The following DYNC1LI2 variants were observed in gnomAD, a reference collection of about 807,000 sequenced individuals.
The protein encoded by DYNC1LI2 is dynein cytoplasmic 1 light intermediate chain 2.
Under a neutral mutation model 57.8 loss-of-function variants are expected in DYNC1LI2, and 19 were observed. That is an observed-to-expected ratio of 0.33 (90% CI 0.23 to 0.48). The LOEUF is 0.48. Ranked by LOEUF, DYNC1LI2 falls within the 20% of genes least tolerant of loss-of-function variation. The probability of loss-of-function intolerance (pLI) is 0.99; values close to 1 mark genes in which losing one functional copy is unlikely to be tolerated. For missense variants in DYNC1LI2, 470 were observed against 604.2 expected (o/e 0.78, Z 2.33); for synonymous variants, 256 against 233.4 (o/e 1.10, Z -0.88).
intron 3 of DYNC1LI2, among the ~76,000 whole-genome samples, chr16:66,746,545 G>T (rs1444595631): frequency 1.3e-5 from 2 of 152,042 alleles, no homozygotes; most frequent in Non-Finnish European, 2.9e-5. Flanking sequence ...AAGTTTTTAA[G>T]GTAACTTTAA....
At chr16:66,724,292 T>G (rs1009860750) in intron 12 of DYNC1LI2, among the ~76,000 whole-genome samples, 8 of 152,130 alleles carry the variant, frequency 5.3e-5, no homozygotes, top group Non-Finnish European at 1.0e-4. Context: ...AATAAGATAG[T>G]TCAGTCCTGC....
chr16:66,740,381 G>A (rs1567454836), intron 4 of DYNC1LI2, among the ~76,000 whole-genome samples: 1 of 152,176 alleles, frequency 6.6e-6, no homozygotes. Flanking sequence ...CTCTGGGCAA[G>A]AGGATAGCCA....
At chr16:66,732,068 T>G in intron 7 of DYNC1LI2, 1 of 395,482 alleles carries the variant, frequency 2.5e-6, no homozygotes, top group African/African-American at 2.0e-5. Context: ...CCCCAGCCAG[T>G]ATTTTACCAG....
intron 4 of DYNC1LI2, among the ~76,000 whole-genome samples, chr16:66,740,309 T>C (rs1156744420): frequency 6.6e-6 from 1 of 152,168 alleles, no homozygotes; most frequent in Non-Finnish European, 1.5e-5. Flanking sequence ...CCAGGTTGAA[T>C]AACAGCCCTT....
At chr16:66,730,874 G>A (rs939624554) in intron 7 of DYNC1LI2, 1 of 152,218 alleles carries the variant, frequency 6.6e-6, no homozygotes, top group Non-Finnish European at 1.5e-5. Flanking sequence ...ACAGCCTAGG[G>A]TTCCCACCTG....
Position 66,751,570 on chromosome 16 carries a change from T to C in DYNC1LI2, c.22A>G (p.Lys8Glu). The change falls in exon 1 of 13, where the codon AAG becomes GAG. Residue 8 changes from lysine (K) to glutamate (E), a missense_variant. By Grantham distance (56) the Lys-to-Glu change is moderately conservative (BLOSUM62 1). Coordinates refer to ENST00000258198, the MANE Select transcript of DYNC1LI2 (RefSeq NM_006141.3). This position sits in a 1 kb window ranked among gnomAD's most constrained non-coding sequence, Gnocchi z 5.2. The part of the protein sequence containing the change: MAPVGVE[K>E]KLLLGPNGPA... ...CCGTTGGGACCTAGCAGCAGCTTCT[T>C]CTCCACCCCCACCGGCGCCATCTTG... 1.9e-6 allele frequency: 3 copies of C among 1,579,708 alleles called. No individual in the cohort carries two copies. Among genetic ancestry groups the C allele is most frequent in the Non-Finnish European group, 2.6e-6 (3 of 1,165,802 alleles).
intron 4 of DYNC1LI2, among the ~76,000 whole-genome samples, chr16:66,737,319 C>A (rs1267434938): frequency 1.3e-5 from 2 of 151,600 alleles, no homozygotes; most frequent in Non-Finnish European, 2.9e-5. Context: ...CAAAAAACAA[C>A]AAGCTTCCAC....
At position 66,751,388 on chromosome 16, in the gene DYNC1LI2, T is replaced by G; in HGVS notation, c.108-42A>C. The G allele has an allele frequency of 1.9e-6, 3 of 1,599,868 alleles. No individual in the cohort carries two copies. Among genetic ancestry groups the G allele is most frequent in the Non-Finnish European group, 2.6e-6 (3 of 1,174,372 alleles). On this transcript the variant is annotated intron_variant, in intron 1 of 12. Coordinates refer to ENST00000258198, the MANE Select transcript of DYNC1LI2 (RefSeq NM_006141.3). The surrounding 1 kb of genome is among the most constrained non-coding windows in gnomAD (Gnocchi z 5.2). Reference sequence around the variant, plus strand: ...AAGAGTGGTCAGCCCCGGGCCGGGCTGGGATGGCCCGGCTCGCGTCGGCCC... The same window carrying G: ...AAGAGTGGTCAGCCCCGGGCCGGGCGGGGATGGCCCGGCTCGCGTCGGCCC...
intron 3 of DYNC1LI2, among the ~76,000 whole-genome samples, chr16:66,743,019 G>A (rs184227289): frequency 8.6e-5 from 13 of 152,028 alleles, no homozygotes; most frequent in East Asian, 1.9e-4. Flanking sequence ...CAAATTAGCC[G>A]GGCATCGTGA....
chr16:66,728,976 C>T (rs2017585181), intron 9 of DYNC1LI2, 64 bp downstream of exon 9: 1 of 1,579,248 alleles, frequency 6.3e-7, no homozygotes, highest in African/African-American at 1.3e-5. Flanking sequence ...CCCCCAACCC[C>T]ACCCTAGGGA....
intron 3 of DYNC1LI2, among the ~76,000 whole-genome samples, chr16:66,744,459 G>A (rs1467979780): frequency 1.3e-5 from 2 of 152,222 alleles, no homozygotes; most frequent in African/African-American, 4.8e-5. Flanking sequence ...TCACACAAAT[G>A]TGCAAGTGCT....
At chr16:66,744,134 G>A (rs1333339133) in intron 3 of DYNC1LI2, among the ~76,000 whole-genome samples, 1 of 151,210 alleles carries the variant, frequency 6.6e-6, no homozygotes, top group African/African-American at 2.4e-5. Flanking sequence ...GGCAACTGCA[G>A]TCTCGATTTC....
chr16:66,735,992 AAACGTC>A, intron 5 of DYNC1LI2, 77 bp downstream of exon 5: 1 of 1,524,788 alleles, frequency 6.6e-7, no homozygotes, highest in Non-Finnish European at 8.8e-7. Flanking sequence ...CTTGGGAAAA[AAACGTC>A]AACAGTTTCT....
chr16:66,738,631 CT>C (rs1252727141), intron 4 of DYNC1LI2, among the ~76,000 whole-genome samples: 1 of 151,954 alleles, frequency 6.6e-6, no homozygotes, highest in Non-Finnish European at 1.5e-5. Context: ...AATCCCAGAA[CT>C]GTGGCAGGCC....
In DYNC1LI2 at chr16:66,736,057, CA is replaced by C; in HGVS notation, c.699+17del. ...CACCACCCGAACCCAGCCAAGCCAA[CA>C]ACCCCCTGGCACACACCTTTGTGCA... On this transcript the variant is annotated intron_variant, in intron 5 of 12. Transcript: ENST00000258198. 3.1e-6 allele frequency: 5 copies of C among 1,603,610 alleles called. No individual in the cohort carries two copies. The highest frequency in any genetic ancestry group is 4.3e-6 in the Non-Finnish European group (5 of 1,171,598).
At chr16:66,734,449 A>G (rs1864245972) in intron 5 of DYNC1LI2, 138 bp from the exon 6 acceptor site, 1 of 791,708 alleles carries the variant, frequency 1.3e-6, no homozygotes, top group African/African-American at 1.8e-5. Flanking sequence ...ATTAGAGAAG[A>G]GTAAAAAAGA....
chr16:66,744,149 G>A (rs2017894602), intron 3 of DYNC1LI2, among the ~76,000 whole-genome samples: 1 of 152,050 alleles, frequency 6.6e-6, no homozygotes, highest in African/African-American at 2.4e-5. Context: ...GATTTCCTGG[G>A]ATAGTGATCC....
chr16:66,747,264 A>G (rs1371005591), intron 3 of DYNC1LI2, among the ~76,000 whole-genome samples: 4 of 151,868 alleles, frequency 2.6e-5, no homozygotes, highest in African/African-American at 9.7e-5. Flanking sequence ...TTTTTACTAG[A>G]GACAGAGTTT....
Position 66,749,179 on chromosome 16 carries a change from G to C in DYNC1LI2, c.298+18C>G. The C allele has an allele frequency of 6.2e-7, 1 of 1,612,662 alleles. No individual in the cohort carries two copies. The highest frequency in any genetic ancestry group is 8.5e-7 in the Non-Finnish European group (1 of 1,178,744). On this transcript the variant is annotated intron_variant, in intron 3 of 12. Transcript: ENST00000258198. Reference sequence around the variant, plus strand: ...TCCTGCATACACCCCCTTACCATGGGACCAATGCTTCACTCACCATCTCGG... The same window carrying C: ...TCCTGCATACACCCCCTTACCATGGCACCAATGCTTCACTCACCATCTCGG...
Sources: gnomAD v4.1 joint callset for allele counts (sites outside exome capture counted in the v4.1 genomes callset) on GRCh38, gnomAD v4.1.1 for gene constraint, Gnocchi (gnomAD v3.1) non-coding constraint, MANE v1.5 for transcripts, NCBI Gene and HGNC (gene_info 2026-07-23, HGNC 2026-07-21) for gene names.